ABCA5: variants seen among roughly 807,000 people sequenced by gnomAD.
ABCA5 encodes the protein ATP binding cassette subfamily A member 5.
In ABCA5, 163 loss-of-function variants were observed where a neutral mutation model predicts 206.0. The observed-to-expected ratio is 0.79, with a 90% CI of 0.70 to 0.90. The LOEUF is 0.90. Ranked by LOEUF, ABCA5 falls within the 40% of genes least tolerant of loss-of-function variation. The pLI, the probability that ABCA5 is intolerant of heterozygous loss-of-function variation, is 0.00. For synonymous variants in ABCA5, 609 were observed against 613.8 expected (o/e 0.99, Z 0.11); for missense variants, 1,859 against 1,912.9 (o/e 0.97, Z 0.53).
At chr17:69,322,625 T>C (rs2075873944) in intron 1 of ABCA5, among the ~76,000 whole-genome samples, 1 of 152,070 alleles carries the variant, frequency 6.6e-6, no homozygotes, top group Admixed American at 6.6e-5. Flanking sequence ...AGCCTCTCTC[T>C]TCCCCCACCT....
At position 69,303,778 on chromosome 17, in the gene ABCA5, A is replaced by T. The variant is rs2075677209; in HGVS notation, c.931-872T>A. On this transcript the variant is annotated intron_variant, in intron 7 of 38. Transcript: ENST00000392676. Reference sequence around the variant, plus strand: ...CGACTCTAAAAAAAAAAAAAAAAAAAAAAAAAAATATATATATATATATAT... The same window carrying T: ...CGACTCTAAAAAAAAAAAAAAAAAATAAAAAAAATATATATATATATATAT... 1.5e-4 allele frequency among the ~76,000 whole-genome samples: 2 copies of T among 13,732 alleles called. 1 individual carries two copies. The highest frequency in any genetic ancestry group is 4.1e-3 in the East Asian group (2 of 488). 9.0% of individuals were successfully genotyped at this position (13,732 alleles called of 152,430 possible). A position where few individuals can be genotyped will look rare whatever the true frequency, so the allele number is the denominator to read the frequency against.
At chr17:69,253,050 T>C (rs2075034461) in intron 34 of ABCA5, among the ~76,000 whole-genome samples, 1 of 152,162 alleles carries the variant, frequency 6.6e-6, no homozygotes. Flanking sequence ...TGACATGCTC[T>C]ACAGATTTAT....
At chr17:69,276,744 T>C (rs118174626) in intron 19 of ABCA5, among the ~76,000 whole-genome samples, 6,481 of 152,268 alleles carry the variant, frequency 0.043, 186 homozygotes, top group Non-Finnish European at 0.066. Context: ...GGCACATGCA[T>C]ACCTATGTAA....
chr17:69,257,286 G>A (rs1166415726), intron 28 of ABCA5, among the ~76,000 whole-genome samples: 3 of 148,796 alleles, frequency 2.0e-5, no homozygotes, highest in Non-Finnish European at 3.0e-5. Flanking sequence ...CAGAAGAATC[G>A]TTTCAACCAG....
intron 18 of ABCA5, among the ~76,000 whole-genome samples, chr17:69,278,677 A>C (rs1406608261): frequency 6.6e-6 from 1 of 152,208 alleles, no homozygotes; most frequent in African/African-American, 2.4e-5. Context: ...TTAATATTTA[A>C]TATTCATTTA....
chr17:69,250,640 A>G lies in ABCA5; in HGVS notation c.4536-19T>C. 2.6e-6 allele frequency: 4 copies of G among 1,517,564 alleles called. No homozygotes were observed. In the East Asian group the frequency reaches 9.6e-5, roughly 36 times the overall value. 94.0% of individuals were successfully genotyped at this position (1,517,564 alleles called of 1,614,324 possible). A position where few individuals can be genotyped will look rare whatever the true frequency, so the allele number is the denominator to read the frequency against. On this transcript the variant is annotated intron_variant, in intron 35 of 38. Coordinates refer to ENST00000392676, the MANE Select transcript of ABCA5 (RefSeq NM_172232.4). Reference sequence around the variant, plus strand: ...GATACATCTGAAGTAATTTTTTAAAAGAAAGCTCAGATATAAAATGACAGC... The same window carrying G: ...GATACATCTGAAGTAATTTTTTAAAGGAAAGCTCAGATATAAAATGACAGC...
intron 28 of ABCA5, among the ~76,000 whole-genome samples, chr17:69,259,044 G>C (rs11869324): frequency 0.39 from 59,878 of 151,766 alleles, 12,691 homozygotes; most frequent in Middle Eastern, 0.51. Context: ...AAACAGTCTG[G>C]CAATTCCTCA....
chr17:69,269,397 C>T (rs1321528367), intron 22 of ABCA5, among the ~76,000 whole-genome samples: 5 of 152,070 alleles, frequency 3.3e-5, no homozygotes, highest in Admixed American at 6.5e-5. Flanking sequence ...GTTTTCTGTA[C>T]GTTTGAAATA....
chr17:69,259,875 C>A, intron 27 of ABCA5, 78 bp from the exon 28 acceptor site: 1 of 804,468 alleles, frequency 1.2e-6, no homozygotes, highest in South Asian at 2.1e-5. Context: ...GCCAACAGAA[C>A]TAAGACTACA....
At chr17:69,275,726 T>C (rs1428346547) in intron 19 of ABCA5, among the ~76,000 whole-genome samples, 1 of 152,226 alleles carries the variant, frequency 6.6e-6, no homozygotes, top group African/African-American at 2.4e-5. Context: ...TGAATGTTTG[T>C]GCCTCCCCAA....
intron 19 of ABCA5, among the ~76,000 whole-genome samples, chr17:69,275,905 G>A (rs2075326515): frequency 6.6e-6 from 1 of 152,128 alleles, no homozygotes; most frequent in Non-Finnish European, 1.5e-5. Context: ...GAGGTCATAT[G>A]AGCACACAGT....
At chr17:69,324,979 C>T (rs1328596156) in intron 1 of ABCA5, among the ~76,000 whole-genome samples, 1 of 152,062 alleles carries the variant, frequency 6.6e-6, no homozygotes, top group Admixed American at 6.5e-5. Context: ...ATTATAAATG[C>T]TCTCATCTTC....
chr17:69,264,650 G>T, intron 24 of ABCA5, 85 bp downstream of exon 24: 1 of 945,586 alleles, frequency 1.1e-6, no homozygotes, highest in South Asian at 4.1e-5. Flanking sequence ...ACCAAATTAT[G>T]CAATAAGTCA....
rs371272458 is a variant in ABCA5, at chr17:69,251,731, C to T, written c.4535+16G>A. The T allele has an allele frequency of 4.4e-6, 7 of 1,605,428 alleles. No homozygotes were observed. Among genetic ancestry groups the T allele is most frequent in the Middle Eastern group, 1.7e-4 (1 of 6,056 alleles). On this transcript the variant is annotated intron_variant, in intron 35 of 38. Transcript: ENST00000392676. ...CCAACCTCTTCCCCTGAATGGCACG[C>T]TATTTAGACATCAACCTTAACTGCC...
At position 69,275,286 on chromosome 17, in the gene ABCA5, G is replaced by A. The variant is rs78651659; in HGVS notation, c.2595-1158C>T. ...TATTAATTGCCACTGCTGCTCTCAG[G>A]AGGCAAAGCAAGGTATACTACAATG... On this transcript the variant is annotated intron_variant, in intron 19 of 38. Transcript: ENST00000392676. Among the ~76,000 whole-genome samples the A allele has an allele frequency of 4.1e-3, 618 of 152,222 alleles. 10 individuals carry two copies. Among genetic ancestry groups the A allele is most frequent in the African/African-American group, 0.014 (564 of 41,538 alleles).
chr17:69,303,417 T>C lies in ABCA5; in HGVS notation c.931-511A>G, dbSNP rs557995468. ...CGGGTGTGAGCCACCACATCTGGTC[T>C]TAAACTAACAAATATTAAATACTGT... On this transcript the variant is annotated intron_variant, in intron 7 of 38. Transcript: ENST00000392676. 3.9e-5 allele frequency among the ~76,000 whole-genome samples: 6 copies of C among 152,082 alleles called. No individual in the cohort carries two copies. The East Asian group carries it at 1.2e-3, about 30-fold the overall frequency.
chr17:69,289,965 A>G lies in ABCA5; in HGVS notation c.1679T>C (p.Ile560Thr), dbSNP rs2075507654. The G allele has an allele frequency of 6.2e-7, 1 of 1,612,398 alleles. No individual in the cohort carries two copies. The highest frequency in any genetic ancestry group is 8.5e-7 in the Non-Finnish European group (1 of 1,179,338). The change falls in exon 13 of 39, where the codon ATT becomes ACT. Residue 560 changes from isoleucine to threonine, a missense_variant. Transcript: ENST00000392676. ...AAAGTGTATATCTAACTGTGGACAA[A>G]TGCCAATCATTTTTCTTGCTTCAAA... Reference protein sequence around the residue: ...EMFEARKMIGICPQLDIHFDV... With the variant: ...EMFEARKMIGTCPQLDIHFDV...
chr17:69,245,616 A>C lies in ABCA5; in HGVS notation c.*1921T>G, dbSNP rs1265007939. The C allele has an allele frequency of 2.0e-5, 3 of 151,972 alleles. No individual in the cohort carries two copies. 9.4% of individuals were successfully genotyped at this position (151,972 alleles called of 1,614,324 possible). On this transcript the variant is annotated 3_prime_UTR_variant, in exon 39 of 39. Coordinates refer to ENST00000392676, the MANE Select transcript of ABCA5 (RefSeq NM_172232.4). Reference sequence around the variant, plus strand: ...CAAAATATATTCTGAGTATATAAAAACTAAAAAAAAATTTGAATGTCTTTT... The same window carrying C: ...CAAAATATATTCTGAGTATATAAAACCTAAAAAAAAATTTGAATGTCTTTT...
chr17:69,275,443 AT>A (rs35249372), intron 19 of ABCA5, among the ~76,000 whole-genome samples: 1 of 152,136 alleles, frequency 6.6e-6, no homozygotes, highest in African/African-American at 2.4e-5. Context: ...ATACCCCGTA[AT>A]TTTTTTAAAA....
Sources: gnomAD v4.1 joint callset for allele counts (sites outside exome capture counted in the v4.1 genomes callset) on GRCh38, gnomAD v4.1.1 for gene constraint, MANE v1.5 for transcripts, NCBI Gene and HGNC (gene_info 2026-07-23, HGNC 2026-07-21) for gene names.